The following UNC13C variants were observed in gnomAD, a reference collection of about 807,000 sequenced individuals.
UNC13C encodes unc-13 homolog C, also known as protein unc-13 homolog C.
A neutral mutation model predicts 245.4 loss-of-function variants in UNC13C; 174 were observed. That is an observed-to-expected ratio of 0.71 (90% CI 0.63 to 0.80). The LOEUF (loss-of-function observed/expected upper bound fraction) is 0.80, where lower values mean the gene tolerates loss of function less well. UNC13C is among the 30% of genes least tolerant of loss of function. The pLI is 0.00. For missense variants in UNC13C, 2,829 were observed against 2,602.9 expected, an observed-to-expected ratio of 1.09 and a Z score of -1.89; for synonymous variants, 992 against 895.1, an observed-to-expected ratio of 1.11 and a Z score of -1.93.
chr15:53,918,004 G>T, the UNC13C span, among the ~76,000 whole-genome samples: 17 of 152,284 alleles, frequency 1.1e-4, no homozygotes, highest in Non-Finnish European at 1.3e-4. Context: ...GCCGGGCACG[G>T]GGGGTAGCAG....
At chr15:54,315,827 CT>C (rs1401224744) in intron 13 of UNC13C, among the ~76,000 whole-genome samples, 1 of 151,760 alleles carries the variant, frequency 6.6e-6, no homozygotes, top group Non-Finnish European at 1.5e-5. Context: ...GAAACTTAAC[CT>C]TTTCTCTTCC....
At chr15:53,967,352 T>G in the UNC13C span, among the ~76,000 whole-genome samples, 1 of 151,846 alleles carries the variant, frequency 6.6e-6, no homozygotes, top group Admixed American at 6.6e-5. Context: ...TTGTTTTGTT[T>G]TTTTTCGAAT....
intron 17 of UNC13C, among the ~76,000 whole-genome samples, chr15:54,348,423 A>G (rs952515988): frequency 6.6e-6 from 1 of 152,174 alleles, no homozygotes; most frequent in Non-Finnish European, 1.5e-5. Flanking sequence ...CAGAAACTCT[A>G]TTTATCTTAA....
intron 19 of UNC13C, among the ~76,000 whole-genome samples, chr15:54,455,258 G>T (rs1291367968): frequency 1.8e-5 from 2 of 109,524 alleles, no homozygotes; most frequent in Admixed American, 1.1e-4. Context: ...TCCACTCATT[G>T]GTAGATGGGC....
intron 13 of UNC13C, among the ~76,000 whole-genome samples, chr15:54,304,522 T>A (rs2140952676): frequency 6.6e-6 from 1 of 152,056 alleles, no homozygotes; most frequent in Admixed American, 6.6e-5. Context: ...CGCCCTGACG[T>A]CCGTTTCCTC....
chr15:54,172,737 T>TCTTTATATATATATATATATAA, intron 4 of UNC13C, among the ~76,000 whole-genome samples: 1 of 103,676 alleles, frequency 9.6e-6, no homozygotes, highest in South Asian at 3.3e-4. Flanking sequence ...TATATATATA[T>TCTTTATATATATATATATATAA]ATATATATAT....
chr15:53,916,140 G>A, the UNC13C span, among the ~76,000 whole-genome samples: 5 of 152,274 alleles, frequency 3.3e-5, no homozygotes, highest in African/African-American at 7.2e-5. Flanking sequence ...GACAGAGTTC[G>A]AAGAATGGTA....
At chr15:54,303,588 T>C (rs1051062387) in intron 13 of UNC13C, among the ~76,000 whole-genome samples, 3 of 150,568 alleles carry the variant, frequency 2.0e-5, no homozygotes, top group African/African-American at 7.3e-5. Flanking sequence ...ATAATGTAAC[T>C]CTTGCCTCTC....
the UNC13C span, among the ~76,000 whole-genome samples, chr15:53,864,592 T>C: frequency 6.6e-6 from 1 of 152,214 alleles, no homozygotes; most frequent in Non-Finnish European, 1.5e-5. Context: ...ACATTCTCTC[T>C]ACCTAGGCTA....
At chr15:54,250,082 G>C (rs1267529246) in intron 7 of UNC13C, 143 bp from the exon 8 acceptor site, 1 of 748,006 alleles carries the variant, frequency 1.3e-6, no homozygotes, top group Non-Finnish European at 2.2e-6. Flanking sequence ...TATGCTTACT[G>C]TCATCATGAC....
At chr15:54,133,479 C>T (rs2031549288) in intron 2 of UNC13C, among the ~76,000 whole-genome samples, 1 of 151,882 alleles carries the variant, frequency 6.6e-6, no homozygotes, top group African/African-American at 2.4e-5. Context: ...ATTGTATAAC[C>T]ACTACAAACT....
chr15:54,098,081 T>C (rs753390546), intron 2 of UNC13C, among the ~76,000 whole-genome samples: 5 of 152,202 alleles, frequency 3.3e-5, no homozygotes, highest in Non-Finnish European at 7.3e-5. Context: ...TAGTCTCAGC[T>C]GGACAGAGTG....
At chr15:53,984,930 A>T (rs1205728431) in intron 1 of UNC13C, among the ~76,000 whole-genome samples, 1 of 152,036 alleles carries the variant, frequency 6.6e-6, no homozygotes, top group African/African-American at 2.4e-5. Flanking sequence ...TGTATTTTCC[A>T]TAGTGTTATG....
At chr15:54,510,216 G>A (rs1399830823) in intron 23 of UNC13C, among the ~76,000 whole-genome samples, 2 of 152,102 alleles carry the variant, frequency 1.3e-5, no homozygotes, top group African/African-American at 4.8e-5. Flanking sequence ...CTCATTATAA[G>A]TCATTGTTTT....
chr15:53,926,943 C>T, the UNC13C span, among the ~76,000 whole-genome samples: 12 of 152,238 alleles, frequency 7.9e-5, no homozygotes, highest in South Asian at 2.1e-4. Flanking sequence ...TGCTGGATTA[C>T]GGAGGGTTAC....
At chr15:54,092,357 C>A (rs888177395) in intron 2 of UNC13C, among the ~76,000 whole-genome samples, 2 of 152,122 alleles carry the variant, frequency 1.3e-5, no homozygotes, top group African/African-American at 4.8e-5. Context: ...CAAGTCTTTA[C>A]AGAGGATCTG....
At chr15:54,358,650 T>C (rs903035708) in intron 17 of UNC13C, among the ~76,000 whole-genome samples, 3 of 152,170 alleles carry the variant, frequency 2.0e-5, no homozygotes, top group African/African-American at 4.8e-5. Flanking sequence ...AATTTTTATA[T>C]GCTAATTTTG....
At chr15:54,372,828 C>T (rs1411322984) in intron 17 of UNC13C, among the ~76,000 whole-genome samples, 1 of 152,184 alleles carries the variant, frequency 6.6e-6, no homozygotes, top group East Asian at 1.9e-4. Context: ...GCATTCTATA[C>T]CTGCATTGCC....
the UNC13C span, among the ~76,000 whole-genome samples, chr15:53,881,600 A>T: frequency 6.6e-6 from 1 of 152,218 alleles, no homozygotes; most frequent in Non-Finnish European, 1.5e-5. Context: ...AGTGGTGGAC[A>T]CCTGTCTTTA....
Sources: gnomAD v4.1 joint callset for allele counts (sites outside exome capture counted in the v4.1 genomes callset) on GRCh38, gnomAD v4.1.1 for gene constraint, MANE v1.5 for transcripts, NCBI Gene and HGNC (gene_info 2026-07-23, HGNC 2026-07-21) for gene names.